CCT2: variants seen among roughly 807,000 people sequenced by gnomAD.
CCT2 encodes T-complex protein 1 subunit beta.
Under a neutral mutation model 61.8 loss-of-function variants are expected in CCT2, and 18 were observed. The ratio of observed to expected loss-of-function variants is 0.29; its 90% CI spans 0.20 to 0.43. The LOEUF (loss-of-function observed/expected upper bound fraction) is 0.43, where lower values mean the gene tolerates loss of function less well. Ranked by LOEUF, CCT2 falls within the 20% of genes least tolerant of loss-of-function variation. The pLI, the probability that CCT2 is intolerant of heterozygous loss-of-function variation, is 1.00. For synonymous variants in CCT2, 248 were observed against 215.9 expected (o/e 1.15, Z -1.30); for missense variants, 556 against 656.9 (o/e 0.85, Z 1.68).
At chr12:69,596,180 A>C (rs1333611107) in intron 10 of CCT2, among the ~76,000 whole-genome samples, 1 of 152,270 alleles carries the variant, frequency 6.6e-6, no homozygotes, top group Non-Finnish European at 1.5e-5. Context: ...TGTGTCTCAC[A>C]TCTAGAACAC....
Position 69,598,339 on chromosome 12 carries a change from T to C in CCT2, c.1353T>C (p.Ala451=), listed in dbSNP as rs1882051189. The part of the protein sequence containing the change: ...KALRMLPTII[A]DNAGYDSADL... The stretch of plus-strand genomic sequence containing the variant: ...TTTCATAGTTGCCAACCATCATAGC[T>C]GACAATGCAGGCTATGACAGTGCAG... Residue 451 remains alanine (A), a synonymous_variant, in exon 14 of 16, where the codon GCT becomes GCC. Coordinates refer to ENST00000299300, the MANE Select transcript of CCT2 (RefSeq NM_006431.3). 1.9e-6 allele frequency: 3 copies of C among 1,589,316 alleles called. No individual in the cohort carries two copies. The highest frequency in any genetic ancestry group is 1.2e-5 in the South Asian group (1 of 86,348).
Position 69,598,018 on chromosome 12 carries a change from ACAC to A in CCT2, c.1285_1287del (p.Pro429del). The A allele has an allele frequency of 6.2e-7, 1 of 1,614,058 alleles. No homozygotes were observed. The highest frequency in any genetic ancestry group is 8.5e-7 in the Non-Finnish European group (1 of 1,179,926). On this transcript the variant is annotated inframe_deletion, in exon 13 of 16. Transcript: ENST00000299300. ...TGCTGTGACACAGCTTGCCAATAGA[ACAC>A]CAGGCAAAGAAGCTGTTGCAATGGA... is the stretch of plus-strand genomic sequence containing the variant.
At chr12:69,593,687 A>G (rs867631556) in intron 10 of CCT2, 74 bp downstream of exon 10, 1 of 869,260 alleles carries the variant, frequency 1.2e-6, no homozygotes, top group Non-Finnish European at 1.9e-6. Context: ...ACTATATGCA[A>G]CTACCTTTAA....
rs868179726 is a variant in CCT2, at chr12:69,594,858, A to T, written c.982+1245A>T. Among the ~76,000 whole-genome samples the T allele has an allele frequency of 9.9e-5, 15 of 152,212 alleles. No homozygotes were observed. In the South Asian group the frequency reaches 3.1e-3, roughly 32 times the overall value. On this transcript the variant is annotated intron_variant, in intron 10 of 15. Transcript: ENST00000299300. The stretch of plus-strand genomic sequence containing the variant: ...AAGACCCTGTCTTTAAAAAAAAAAA[A>T]AAAAATGCAGCTTGTTTGCTTTTTA...
chr12:69,599,077 ATTG>A (rs1314360123), intron 14 of CCT2, among the ~76,000 whole-genome samples: 2 of 151,948 alleles, frequency 1.3e-5, no homozygotes, highest in Non-Finnish European at 2.9e-5. Flanking sequence ...AGTTGACATT[ATTG>A]TTGTTATTAC....
Position 69,597,740 on chromosome 12 carries a change from A to T in CCT2, c.1205A>T (p.Lys402Met), listed in dbSNP as rs755240724. ...DALCVLAQTV[K>M]DSRTVYGGGC... ...CTTTGTGTTCTTGCGCAAACTGTAAAGGACTCTAGAACAGTTTATGGAGGA... is the reference window on the plus strand; with the variant it reads ...CTTTGTGTTCTTGCGCAAACTGTAATGGACTCTAGAACAGTTTATGGAGGA... The change falls in exon 12 of 16, where the codon AAG becomes ATG. Residue 402 changes from lysine to methionine, a missense_variant. Transcript: ENST00000299300. 12 of 1,613,418 alleles carry T rather than the reference A, an allele frequency of 7.4e-6. No homozygotes were observed. Among genetic ancestry groups the T allele is most frequent in the Non-Finnish European group, 3.4e-6 (4 of 1,179,322 alleles).
Position 69,585,465 on chromosome 12 carries a change from C to T in CCT2, c.-57C>T. On this transcript the variant is annotated 5_prime_UTR_variant, in exon 1 of 16. Coordinates refer to ENST00000299300, the MANE Select transcript of CCT2 (RefSeq NM_006431.3). ...GTCACTTCCGGCTTCCTTCAGTCCG[C>T]TGGTCCCGAGCACGAGCTGTGAGGG... 2.6e-6 allele frequency: 4 copies of T among 1,551,402 alleles called. No individual in the cohort carries two copies. In the South Asian group the frequency reaches 4.8e-5, roughly 18 times the overall value.
At chr12:69,601,198 T>A in intron 15 of CCT2, 97 bp from the exon 16 acceptor site, 2 of 1,001,812 alleles carry the variant, frequency 2.0e-6, no homozygotes, top group Non-Finnish European at 1.5e-6. Context: ...ATAACAGTTT[T>A]AATACAGGAT....
Position 69,593,612 on chromosome 12 carries a change from A to G in CCT2, c.981A>G (p.Thr327=). ...FAGVERLALV[T]GGEIASTFDH... is the part of the protein sequence containing the mutation. ...GTGTGGAACGCCTAGCTCTTGTCACAGGTATGGAAAAAAGGTATTGTTTTC... is the reference window on the plus strand; with the variant it reads ...GTGTGGAACGCCTAGCTCTTGTCACGGGTATGGAAAAAAGGTATTGTTTTC... Residue 327 remains threonine (T), a splice_region_variant and synonymous_variant, in exon 10 of 16, where the codon ACA becomes ACG. Coordinates refer to ENST00000299300, the MANE Select transcript of CCT2 (RefSeq NM_006431.3). 6.3e-7 allele frequency: 1 copy of G among 1,586,290 alleles called. No individual in the cohort carries two copies.
intron 10 of CCT2, 128 bp from the exon 11 acceptor site, chr12:69,597,028 A>G: frequency 1.4e-6 from 1 of 727,540 alleles, no homozygotes; most frequent in Non-Finnish European, 2.2e-6. Flanking sequence ...AGTGCCAGGA[A>G]TATAATCAGC....
intron 14 of CCT2, among the ~76,000 whole-genome samples, chr12:69,599,548 C>T (rs1016568157): frequency 3.3e-5 from 5 of 151,860 alleles, no homozygotes; most frequent in African/African-American, 7.3e-5. Flanking sequence ...CCACCATGCC[C>T]GGCTAATTTT....
chr12:69,595,688 CAAAA>C (rs10655703), intron 10 of CCT2, among the ~76,000 whole-genome samples: 4 of 99,496 alleles, frequency 4.0e-5, no homozygotes, highest in Non-Finnish European at 4.1e-5. Flanking sequence ...GACTCCGTCT[CAAAA>C]AAAAAAAAAA....
chr12:69,592,677 G>C, intron 8 of CCT2: 1 of 266,420 alleles, frequency 3.8e-6, no homozygotes. Flanking sequence ...TGTAATCCCA[G>C]TACTTTGGGA....
At chr12:69,586,725 C>A (rs756293245) in intron 2 of CCT2, 28 bp from the exon 3 acceptor site, 2 of 1,506,168 alleles carry the variant, frequency 1.3e-6, no homozygotes, top group Non-Finnish European at 1.8e-6. Context: ...AAAGTTGATT[C>A]TGATAATCTC....
chr12:69,586,977 C>T, intron 3 of CCT2, 159 bp downstream of exon 3: 1 of 511,418 alleles, frequency 2.0e-6, no homozygotes, highest in South Asian at 3.1e-5. Flanking sequence ...CCAGAATCAC[C>T]ATCCCCAATC....
At position 69,601,502 on chromosome 12, in the gene CCT2, A is replaced by G. The variant is rs1453706105; in HGVS notation, c.*177A>G. The stretch of plus-strand genomic sequence containing the variant: ...TAATTTATTTGCCGTGTCATTTTCC[A>G]TACAAATCAGTTGATTTAAAAAAGT... On this transcript the variant is annotated 3_prime_UTR_variant, in exon 16 of 16. Transcript: ENST00000299300. 3.4e-6 allele frequency: 5 copies of G among 1,459,134 alleles called. No individual in the cohort carries two copies. Among genetic ancestry groups the G allele is most frequent in the South Asian group, 1.4e-5 (1 of 70,820 alleles). 90.4% of individuals were successfully genotyped at this position (1,459,134 alleles called of 1,614,324 possible). A position where few individuals can be genotyped will look rare whatever the true frequency, so the allele number is the denominator to read the frequency against.
In CCT2 at chr12:69,585,889, G is replaced by A. The variant is rs1253022448; in HGVS notation, c.3+365G>A. 4.7e-6 allele frequency: 6 copies of A among 1,279,264 alleles called. No homozygotes were observed. The Admixed American group carries it at 1.1e-4, about 24-fold the overall frequency. The allele number at this position is 1,279,264 out of a possible 1,614,324, so 79.2% of individuals were successfully genotyped here. A position where few individuals can be genotyped will look rare whatever the true frequency, so the allele number is the denominator to read the frequency against. On this transcript the variant is annotated intron_variant, in intron 1 of 15. Transcript: ENST00000299300. ...TGAGCCATCAGAGGGTGGAGGGGCC[G>A]CAGCCTTCCGAGGGTGGAAGATGGA...
chr12:69,585,721 A>C lies in CCT2; in HGVS notation c.3+197A>C, dbSNP rs74749076. ...AGCTCACCACGAGGGGGAGGGGTGG[A>C]CCGCAAAGCCAGCGTCTCCTTGTGC... On this transcript the variant is annotated intron_variant, in intron 1 of 15. Transcript: ENST00000299300. The C allele has an allele frequency of 1.1e-4, 167 of 1,465,230 alleles. No individual in the cohort carries two copies. The East Asian group carries it at 2.5e-3, about 22-fold the overall frequency. 90.8% of individuals were successfully genotyped at this position (1,465,230 alleles called of 1,614,324 possible). A position where few individuals can be genotyped will look rare whatever the true frequency, so the allele number is the denominator to read the frequency against.
intron 7 of CCT2, among the ~76,000 whole-genome samples, chr12:69,590,164 A>G (rs1422322411): frequency 1.2e-4 from 18 of 152,266 alleles, no homozygotes; most frequent in Admixed American, 1.1e-3. Context: ...CACATGTGCA[A>G]CCGAACGTGG....
Sources: gnomAD v4.1 joint callset for allele counts (sites outside exome capture counted in the v4.1 genomes callset) on GRCh38, gnomAD v4.1.1 for gene constraint, MANE v1.5 for transcripts, NCBI Gene and HGNC (gene_info 2026-07-23, HGNC 2026-07-21) for gene names.